Variants in ABCA3 observed in about 807,000 individuals in gnomAD.
ABCA3 encodes the protein phospholipid-transporting ATPase ABCA3.
Under a neutral mutation model 172.8 loss-of-function variants are expected in ABCA3, and 88 were observed. The ratio of observed to expected loss-of-function variants is 0.51; its 90% confidence interval spans 0.43 to 0.61. The LOEUF is 0.61. ABCA3 is among the 20% of genes least tolerant of loss of function. The probability of loss-of-function intolerance (pLI) is 0.00; values close to 1 mark genes in which losing one functional copy is unlikely to be tolerated. For synonymous variants in ABCA3, 1,066 were observed against 983.8 expected, an observed-to-expected ratio of 1.08 and a Z score of -1.56; for missense variants, 2,164 against 2,301.0, an observed-to-expected ratio of 0.94 and a Z score of 1.22.
chr16:2,288,146 C>T lies in ABCA3; in HGVS notation c.2884G>A (p.Glu962Lys), dbSNP rs760761429. 38 of 1,611,488 alleles carry T rather than the reference C, an allele frequency of 2.4e-5. No homozygotes were observed. Among genetic ancestry groups the T allele is most frequent in the Middle Eastern group, 1.6e-4 (1 of 6,082 alleles). ...AAGGGCACGACGGTTCTGCCGTACT[C>T]GCCCAAGGTCAGCCTCAGCATGGGG... ...DDPMLRLTLG[E>K]YGRTVVPFSV... The change falls in exon 21 of 33, where the codon GAG becomes AAG. Residue 962 changes from glutamate to lysine, a missense_variant. Transcript: ENST00000301732.
In ABCA3 at chr16:2,276,491, A is replaced by C; in HGVS notation, c.*183T>G. 2 of 1,027,832 alleles carry C rather than the reference A, an allele frequency of 1.9e-6. No individual in the cohort carries two copies. The allele number at this position is 1,027,832 out of a possible 1,614,324, so 63.7% of individuals were successfully genotyped here. Reference sequence around the variant, plus strand: ...TGCAGACATGGAGATGCGCATGCTGATCCTGGGCATGAGGGCTGGGCTGCA... The same window carrying C: ...TGCAGACATGGAGATGCGCATGCTGCTCCTGGGCATGAGGGCTGGGCTGCA... On this transcript the variant is annotated 3_prime_UTR_variant, in exon 33 of 33. Transcript: ENST00000301732.
intron 18 of ABCA3, among the ~76,000 whole-genome samples, chr16:2,293,658 C>T (rs956716781): frequency 2.6e-5 from 4 of 151,850 alleles, no homozygotes; most frequent in South Asian, 2.1e-4. Context: ...TTGCCTCAGC[C>T]TCCCGAGTAG....
At position 2,284,322 on chromosome 16, in the gene ABCA3, G is replaced by A; in HGVS notation, c.3819C>T (p.Tyr1273=). ...SFYENYETRR[Y]CTSSEVAAHY... Reference sequence around the variant, plus strand: ...GGGCGGCGACCTCGGAGGAGGTGCAGTACCTCCGCGTCTCGTAGTTCTCGT... The same window carrying A: ...GGGCGGCGACCTCGGAGGAGGTGCAATACCTCCGCGTCTCGTAGTTCTCGT... Residue 1273 remains tyrosine (Y), a synonymous_variant, in exon 25 of 33, where the codon TAC becomes TAT. Transcript: ENST00000301732. This position sits in a 1 kb window ranked among gnomAD's most constrained non-coding sequence, Gnocchi z 5.9. 1 of 1,613,890 alleles carries A rather than the reference G, an allele frequency of 6.2e-7. No individual in the cohort carries two copies. Among genetic ancestry groups the A allele is most frequent in the Non-Finnish European group, 8.5e-7 (1 of 1,180,002 alleles).
chr16:2,276,587 G>T lies in ABCA3; in HGVS notation c.*87C>A. The T allele has an allele frequency of 6.3e-7, 1 of 1,576,188 alleles. No homozygotes were observed. Among genetic ancestry groups the T allele is most frequent in the Non-Finnish European group, 8.6e-7 (1 of 1,163,448 alleles). Reference sequence around the variant, plus strand: ...TAGAAAAAAGTGATTAAAAATAAAGGATGAGATAAACTTGGAGAGAGAGGA... The same window carrying T: ...TAGAAAAAAGTGATTAAAAATAAAGTATGAGATAAACTTGGAGAGAGAGGA... On this transcript the variant is annotated 3_prime_UTR_variant, in exon 33 of 33. Coordinates refer to ENST00000301732, the MANE Select transcript of ABCA3 (RefSeq NM_001089.3).
At chr16:2,295,786 T>G in intron 17 of ABCA3, 46 bp from the exon 18 acceptor site, 1 of 1,612,490 alleles carries the variant, frequency 6.2e-7, no homozygotes, top group Non-Finnish European at 8.5e-7. Flanking sequence ...ATCCCCCAGG[T>G]CTCTTCATGC....
At chr16:2,317,955 C>T (rs1596860317) in intron 8 of ABCA3, among the ~76,000 whole-genome samples, 191 bp from the exon 9 acceptor site, 1 of 152,368 alleles carries the variant, frequency 6.6e-6, no homozygotes, top group East Asian at 1.9e-4. Flanking sequence ...CTCAGCCTCC[C>T]AAAGTGCTGG....
rs762724198 is a variant in ABCA3, at chr16:2,319,568, A to G, written c.873+13T>C. 5.6e-6 allele frequency: 9 copies of G among 1,608,970 alleles called. No homozygotes were observed. Among genetic ancestry groups the G allele is most frequent in the Admixed American group, 1.7e-5 (1 of 59,994 alleles). On this transcript the variant is annotated intron_variant, in intron 8 of 32. Transcript: ENST00000301732. ...GGTTTCTAGAGTGTTGGGGAGCCAA[A>G]GCGGGCAGTCACCTTCAGCCTCCTT...
intron 1 of ABCA3, among the ~76,000 whole-genome samples, chr16:2,336,221 C>T (rs1008406343): frequency 6.6e-6 from 1 of 152,154 alleles, no homozygotes; most frequent in Admixed American, 6.5e-5. Flanking sequence ...CATTTACACC[C>T]GCACACCAAA....
chr16:2,288,158 G>A lies in ABCA3; in HGVS notation c.2872C>T (p.Leu958=), dbSNP rs956870928. ...SELFDDPMLR[L]TLGEYGRTVV... is the part of the protein sequence containing the mutation. ...GTTCTGCCGTACTCGCCCAAGGTCA[G>A]CCTCAGCATGGGGTCGTCGAAGAGC... The change falls in exon 21 of 33, where the codon CTG becomes TTG. Residue 958 remains leucine, a synonymous_variant. Coordinates refer to ENST00000301732, the MANE Select transcript of ABCA3 (RefSeq NM_001089.3). The A allele has an allele frequency of 6.2e-7, 1 of 1,610,830 alleles. No homozygotes were observed. Among genetic ancestry groups the A allele is most frequent in the Non-Finnish European group, 8.5e-7 (1 of 1,178,602 alleles).
chr16:2,299,976 G>A (rs1396367847), intron 13 of ABCA3, 29 bp downstream of exon 13: 2 of 1,610,802 alleles, frequency 1.2e-6, no homozygotes, highest in East Asian at 2.2e-5. Context: ...GGCAGCCCCG[G>A]CCCTCCCTGT....
chr16:2,300,857 C>A (rs945545910), intron 12 of ABCA3, among the ~76,000 whole-genome samples: 1 of 152,218 alleles, frequency 6.6e-6, no homozygotes, highest in Non-Finnish European at 1.5e-5. Context: ...ACTTCCAGCA[C>A]CTGGAACGGC....
chr16:2,295,634 A>G lies in ABCA3; in HGVS notation c.2370T>C (p.Ala790=). 6.2e-7 allele frequency: 1 copy of G among 1,614,018 alleles called. No individual in the cohort carries two copies. The highest frequency in any genetic ancestry group is 1.3e-5 in the African/African-American group (1 of 75,068). ...HVPNATLESS[A]GAELSFILPR... ...GAAGGATGAAAGACAGCTCGGCCCC[A>G]GCGCTGCTCTCCAGCGTGGCGTTGG... Residue 790 remains alanine (A), a synonymous_variant, in exon 18 of 33, where the codon GCT becomes GCC. Transcript: ENST00000301732.
chr16:2,314,498 C>A (rs927500776), intron 10 of ABCA3, among the ~76,000 whole-genome samples: 4 of 150,614 alleles, frequency 2.7e-5, no homozygotes, highest in East Asian at 1.9e-4. Flanking sequence ...CTGTTTCAGT[C>A]GGGAAACATG....
chr16:2,303,914 GGACAC>G, intron 12 of ABCA3, 50 bp downstream of exon 12: 20 of 1,601,606 alleles, frequency 1.2e-5, no homozygotes, highest in Non-Finnish European at 1.7e-5. Flanking sequence ...CAGGTACTGG[GGACAC>G]CTCTGCACTC....
rs1033768589 is a variant in ABCA3 at position 2,286,584 on chromosome 16, G to A, written c.3278+110C>T. ...GCAGGGGTTTCCCACCAGACCCAGG[G>A]GCTTTGGGAGGGCAGACACAATGCT... On this transcript the variant is annotated intron_variant, in intron 22 of 32. Coordinates refer to ENST00000301732, the MANE Select transcript of ABCA3 (RefSeq NM_001089.3). This position sits in a 1 kb window ranked among gnomAD's most constrained non-coding sequence, Gnocchi z 5.2. 3 of 1,435,788 alleles carry A rather than the reference G, an allele frequency of 2.1e-6. No homozygotes were observed. Among genetic ancestry groups the A allele is most frequent in the Middle Eastern group, 2.5e-4 (1 of 4,078 alleles). 88.9% of individuals were successfully genotyped at this position (1,435,788 alleles called of 1,614,324 possible). A position where few individuals can be genotyped will look rare whatever the true frequency, so the allele number is the denominator to read the frequency against.
chr16:2,340,246 T>G (rs1160823112), intron 1 of ABCA3, among the ~76,000 whole-genome samples: 1 of 152,036 alleles, frequency 6.6e-6, no homozygotes, highest in African/African-American at 2.4e-5. Context: ...GCCCGGGCCG[T>G]GCCGAGTCTC....
chr16:2,284,524 C>G lies in ABCA3; in HGVS notation c.3704-87G>C. On this transcript the variant is annotated intron_variant, in intron 24 of 32. Coordinates refer to ENST00000301732, the MANE Select transcript of ABCA3 (RefSeq NM_001089.3). The surrounding 1 kb of genome is among the most constrained non-coding windows in gnomAD (Gnocchi z 5.9). ...GGCCTGGTCAGGGCGGGCACAGGGCCTTATCCGTGCTGTGTGGAGTGAGGG... is the reference window on the plus strand; with the variant it reads ...GGCCTGGTCAGGGCGGGCACAGGGCGTTATCCGTGCTGTGTGGAGTGAGGG... 6.4e-7 allele frequency: 1 copy of G among 1,555,832 alleles called. No individual in the cohort carries two copies. Among genetic ancestry groups the G allele is most frequent in the Non-Finnish European group, 8.8e-7 (1 of 1,130,324 alleles).
At position 2,278,981 on chromosome 16, in the gene ABCA3, C is replaced by T; in HGVS notation, c.4509G>A (p.Leu1503=). ...CCAGCTTGTTGGCATGTGGCTCCAG[C>T]AGCAGGCCCCGCAGAGTGTTCTCCA... is the stretch of plus-strand genomic sequence containing the variant. The part of the protein sequence containing the change: ...ACVENTLRGL[L]LEPHANKLVR... Residue 1503 remains leucine, a synonymous_variant, in exon 29 of 33, where the codon CTG becomes CTA. Coordinates refer to ENST00000301732, the MANE Select transcript of ABCA3 (RefSeq NM_001089.3). The surrounding 1 kb of genome is among the most constrained non-coding windows in gnomAD (Gnocchi z 4.4). The T allele has an allele frequency of 6.2e-7, 1 of 1,613,610 alleles. No individual in the cohort carries two copies. The highest frequency in any genetic ancestry group is 8.5e-7 in the Non-Finnish European group (1 of 1,180,048).
rs752013927 is a variant in ABCA3 at position 2,284,251 on chromosome 16, T to G, written c.3862+28A>C. 9 of 1,606,190 alleles carry G rather than the reference T, an allele frequency of 5.6e-6. No homozygotes were observed. Among genetic ancestry groups the G allele is most frequent in the South Asian group, 4.4e-5 (4 of 90,468 alleles). On this transcript the variant is annotated intron_variant, in intron 25 of 32. Coordinates refer to ENST00000301732, the MANE Select transcript of ABCA3 (RefSeq NM_001089.3). The surrounding 1 kb of genome is among the most constrained non-coding windows in gnomAD (Gnocchi z 5.9). Reference sequence around the variant, plus strand: ...CCACGTCCTGAGGACGCAGGGGTGCTGCCCGGGGTCGGGGCTGGGACACTC... The same window carrying G: ...CCACGTCCTGAGGACGCAGGGGTGCGGCCCGGGGTCGGGGCTGGGACACTC...
Sources: gnomAD v4.1 joint callset for allele counts (sites outside exome capture counted in the v4.1 genomes callset) on GRCh38, gnomAD v4.1.1 for gene constraint, Gnocchi (gnomAD v3.1) non-coding constraint, MANE v1.5 for transcripts, NCBI Gene and HGNC (gene_info 2026-07-23, HGNC 2026-07-21) for gene names.